Variants in PLCB4 observed in about 807,000 individuals in gnomAD.
The protein encoded by PLCB4 is 1-phosphatidylinositol 4,5-bisphosphate phosphodiesterase beta-4.
A neutral mutation model predicts 178.8 loss-of-function variants in PLCB4; 77 were observed. The observed-to-expected ratio is 0.43, with a 90% CI of 0.36 to 0.52. The LOEUF (loss-of-function observed/expected upper bound fraction) is 0.52. Ranked by LOEUF, PLCB4 falls within the 20% of genes least tolerant of loss-of-function variation. The probability of loss-of-function intolerance (pLI) is 0.00; values close to 1 mark genes in which losing one functional copy is unlikely to be tolerated. For synonymous variants in PLCB4, 496 were observed against 490.8 expected (o/e 1.01, Z -0.14); for missense variants, 1,024 against 1,453.4 (o/e 0.70, Z 4.80).
intron 4 of PLCB4, among the ~76,000 whole-genome samples, chr20:9,333,749 G>A (rs964356117): frequency 1.3e-5 from 2 of 152,098 alleles, no homozygotes; most frequent in Non-Finnish European, 2.9e-5. Context: ...GTGATGGAGA[G>A]GGAGTAAAGT....
chr20:9,256,001 T>A (rs1188160795), intron 3 of PLCB4, among the ~76,000 whole-genome samples: 2 of 152,098 alleles, frequency 1.3e-5, no homozygotes, highest in East Asian at 3.9e-4. Flanking sequence ...GAAGAGTGTT[T>A]AGTAAGGGAT....
rs748637547 is a variant in PLCB4 at position 9,401,588 on chromosome 20, A to C, written c.1609A>C (p.Lys537Gln). 1 of 1,599,254 alleles carries C rather than the reference A, an allele frequency of 6.3e-7. No individual in the cohort carries two copies. Among genetic ancestry groups the C allele is most frequent in the East Asian group, 2.2e-5 (1 of 44,788 alleles). The change falls in exon 20 of 40, where the codon AAG (lysine) becomes CAG (glutamine). Residue 537 changes from lysine (K) to glutamine (Q), a missense_variant and splice_region_variant. Transcript: ENST00000378473. Reference sequence around the variant, plus strand: ...GGAAGCTGTTGCAAATAGCGTCAAGAAGGTCAGAGTCCCCTTTCTTTCATC... The same window carrying C: ...GGAAGCTGTTGCAAATAGCGTCAAGCAGGTCAGAGTCCCCTTTCTTTCATC... ...HKEAVANSVKKASDDLEHENN... is the reference protein window; with the variant it reads ...HKEAVANSVKQASDDLEHENN...
At chr20:9,241,648 G>C (rs148663873) in intron 3 of PLCB4, among the ~76,000 whole-genome samples, 79 of 152,300 alleles carry the variant, frequency 5.2e-4, no homozygotes, top group African/African-American at 1.8e-3. Context: ...GGTATAACCT[G>C]CAGGAGCCAA....
chr20:9,199,158 G>A (rs1219438062), intron 2 of PLCB4, among the ~76,000 whole-genome samples: 1 of 120,916 alleles, frequency 8.3e-6, no homozygotes, highest in Non-Finnish European at 1.7e-5. Context: ...ATAGTCTCTA[G>A]TCTTTTTTGT....
intron 3 of PLCB4, among the ~76,000 whole-genome samples, chr20:9,218,452 T>C (rs1173365480): frequency 6.6e-6 from 1 of 152,208 alleles, no homozygotes; most frequent in Non-Finnish European, 1.5e-5. Context: ...ATTTGGACTA[T>C]GTATCATTTC....
chr20:9,288,471 G>A (rs745742161), intron 3 of PLCB4, among the ~76,000 whole-genome samples: 3 of 146,910 alleles, frequency 2.0e-5, no homozygotes, highest in Non-Finnish European at 4.5e-5. Context: ...TTGATAATTT[G>A]TCTTATTCTT....
chr20:9,241,266 C>T (rs1254508269), intron 3 of PLCB4, among the ~76,000 whole-genome samples: 2 of 152,070 alleles, frequency 1.3e-5, no homozygotes, highest in Non-Finnish European at 2.9e-5. Context: ...ATTTATCTTG[C>T]CCATTTACAC....
intron 4 of PLCB4, among the ~76,000 whole-genome samples, chr20:9,336,337 A>C (rs1339411358): frequency 6.6e-6 from 1 of 152,216 alleles, no homozygotes; most frequent in Non-Finnish European, 1.5e-5. Flanking sequence ...TAAGACAAGA[A>C]GTCAGTTGGC....
intron 4 of PLCB4, among the ~76,000 whole-genome samples, chr20:9,335,129 A>G (rs1446538686): frequency 6.6e-6 from 1 of 152,166 alleles, no homozygotes; most frequent in Non-Finnish European, 1.5e-5. Flanking sequence ...ACTGTGTACC[A>G]AAATTCTTCA....
At chr20:9,416,821 A>C (rs2040281709) in intron 25 of PLCB4, among the ~76,000 whole-genome samples, 1 of 152,210 alleles carries the variant, frequency 6.6e-6, no homozygotes, top group East Asian at 1.9e-4. Flanking sequence ...ATAAAAAATC[A>C]GTGTTGTCTC....
At chr20:9,091,221 A>T (rs1432243791) in intron 1 of PLCB4, among the ~76,000 whole-genome samples, 1 of 42,740 alleles carries the variant, frequency 2.3e-5, no homozygotes, top group Non-Finnish European at 7.2e-5. Context: ...GGTAGCTTTA[A>T]AAAAAAAACA....
chr20:9,146,134 TG>T (rs1447332815), intron 2 of PLCB4, among the ~76,000 whole-genome samples: 1 of 152,162 alleles, frequency 6.6e-6, no homozygotes, highest in African/African-American at 2.4e-5. Flanking sequence ...GTGGCCACTC[TG>T]TAAACAGAGT....
intron 4 of PLCB4, among the ~76,000 whole-genome samples, chr20:9,309,999 A>G (rs2094811872): frequency 6.6e-6 from 1 of 152,244 alleles, no homozygotes. Flanking sequence ...TTTTACTAGG[A>G]TTTTGAGCAA....
At chr20:9,330,326 T>G (rs971816288) in intron 4 of PLCB4, among the ~76,000 whole-genome samples, 1 of 152,220 alleles carries the variant, frequency 6.6e-6, no homozygotes, top group Non-Finnish European at 1.5e-5. Context: ...CAGACTCCTC[T>G]TTGTTTCTCT....
At position 9,336,655 on chromosome 20, in the gene PLCB4, G is replaced by A. The variant is rs577832393; in HGVS notation, c.85-471G>A. Among the ~76,000 whole-genome samples the A allele has an allele frequency of 5.3e-5, 8 of 151,242 alleles. No individual in the cohort carries two copies. The South Asian group carries it at 1.5e-3, about 28-fold the overall frequency. Reference sequence around the variant, plus strand: ...TAGCTCTAGGGGCTGTTCAAGATGCGCTTTACAGGACACCAAATGAGGTTA... The same window carrying A: ...TAGCTCTAGGGGCTGTTCAAGATGCACTTTACAGGACACCAAATGAGGTTA... On this transcript the variant is annotated intron_variant, in intron 4 of 39. Transcript: ENST00000378473.
intron 2 of PLCB4, among the ~76,000 whole-genome samples, chr20:9,121,030 A>C (rs1378750805): frequency 6.6e-6 from 1 of 152,122 alleles, no homozygotes; most frequent in Non-Finnish European, 1.5e-5. Flanking sequence ...CACCGGGATG[A>C]TCTACCCGTC....
intron 1 of PLCB4, among the ~76,000 whole-genome samples, chr20:9,088,173 CTTTTCTTTTTTT>C (rs1568725546): frequency 2.6e-5 from 3 of 113,246 alleles, no homozygotes; most frequent in Non-Finnish European, 3.5e-5. Flanking sequence ...CTTTTCTTTT[CTTTTCTTTTTTT>C]TTTTTTTTTT....
At chr20:9,128,196 G>T (rs2092177314) in intron 2 of PLCB4, among the ~76,000 whole-genome samples, 1 of 151,894 alleles carries the variant, frequency 6.6e-6, no homozygotes, top group Admixed American at 6.6e-5. Context: ...AGTGTGGTAT[G>T]TCCCCTCTTC....
chr20:9,091,583 G>A (rs1407442876), intron 1 of PLCB4, among the ~76,000 whole-genome samples: 1 of 151,336 alleles, frequency 6.6e-6, no homozygotes, highest in Non-Finnish European at 1.5e-5. Flanking sequence ...GACCTCAGGT[G>A]AGCTCCAAAG....
Sources: allele counts gnomAD v4.1 joint callset (sites outside exome capture counted in the v4.1 genomes callset), GRCh38; gene constraint gnomAD v4.1.1; transcripts MANE v1.5; gene names NCBI Gene and HGNC (gene_info 2026-07-23, HGNC 2026-07-21).